The following KLHL32 variants were observed in gnomAD, a reference collection of about 807,000 sequenced individuals.
KLHL32 encodes the protein kelch like family member 32.
A neutral mutation model predicts 64.8 loss-of-function variants in KLHL32; 35 were observed. That is an observed-to-expected ratio of 0.54 (90% CI 0.41 to 0.72). The LOEUF (loss-of-function observed/expected upper bound fraction) is 0.72. KLHL32 is among the 30% of genes least tolerant of loss of function. KLHL32 has a pLI of 0.00. For synonymous variants in KLHL32, 259 were observed against 281.0 expected (o/e 0.92, Z 0.78); for missense variants, 589 against 768.5 (o/e 0.77, Z 2.76).
At chr6:97,034,704 T>A (rs1394986771) in intron 3 of KLHL32, among the ~76,000 whole-genome samples, 1 of 152,068 alleles carries the variant, frequency 6.6e-6, no homozygotes, top group Non-Finnish European at 1.5e-5. Flanking sequence ...AATTTTCAGT[T>A]AACAAGTCTG....
intron 3 of KLHL32, among the ~76,000 whole-genome samples, chr6:97,038,551 A>G (rs1484412554): frequency 6.6e-6 from 1 of 152,160 alleles, no homozygotes; most frequent in Non-Finnish European, 1.5e-5. Flanking sequence ...GAACCCTAGT[A>G]CACTGTTGAC....
chr6:97,099,867 A>G (rs1795473977), intron 6 of KLHL32, among the ~76,000 whole-genome samples: 1 of 144,582 alleles, frequency 6.9e-6, no homozygotes, highest in Non-Finnish European at 1.5e-5. Flanking sequence ...TGAAATTTCT[A>G]TTTGGGTTAA....
intron 6 of KLHL32, among the ~76,000 whole-genome samples, chr6:97,094,845 T>C (rs1210789322): frequency 6.6e-6 from 1 of 152,186 alleles, no homozygotes; most frequent in Non-Finnish European, 1.5e-5. Flanking sequence ...AGGACACATA[T>C]CTTCTTTGTG....
chr6:96,982,468 A>C (rs1776432182), intron 3 of KLHL32, among the ~76,000 whole-genome samples: 1 of 152,126 alleles, frequency 6.6e-6, no homozygotes, highest in Non-Finnish European at 1.5e-5. Context: ...GGTCTCTTGA[A>C]GACAGCACAT....
intron 1 of KLHL32, among the ~76,000 whole-genome samples, chr6:96,939,760 G>A (rs62413860): frequency 0.067 from 10,268 of 152,174 alleles, 428 homozygotes; most frequent in Middle Eastern, 0.15. Flanking sequence ...ATGCCGAGAA[G>A]CCATTGAGGA....
the KLHL32 span, among the ~76,000 whole-genome samples, chr6:96,916,745 T>C: frequency 6.6e-6 from 1 of 152,308 alleles, no homozygotes; most frequent in Non-Finnish European, 1.5e-5. Context: ...CATGAGAGAA[T>C]AGAAGAAATA....
intron 1 of KLHL32, among the ~76,000 whole-genome samples, chr6:96,965,701 G>C (rs1209050495): frequency 6.6e-6 from 1 of 152,170 alleles, no homozygotes; most frequent in East Asian, 1.9e-4. Flanking sequence ...GCAACATTAG[G>C]TTGCTAAGCA....
At chr6:97,052,177 A>T (rs905426774) in intron 4 of KLHL32, among the ~76,000 whole-genome samples, 5 of 152,366 alleles carry the variant, frequency 3.3e-5, no homozygotes, top group Non-Finnish European at 4.4e-5. Context: ...GCTGGGGTAC[A>T]ACCCTTCCAA....
intron 3 of KLHL32, among the ~76,000 whole-genome samples, chr6:97,002,494 G>T (rs1779154663): frequency 6.6e-6 from 1 of 152,092 alleles, no homozygotes; most frequent in Non-Finnish European, 1.5e-5. Context: ...GCACTTTTAG[G>T]GTCAGGGTAC....
the KLHL32 span, among the ~76,000 whole-genome samples, chr6:96,904,759 G>T: frequency 1.3e-5 from 2 of 152,138 alleles, no homozygotes; most frequent in African/African-American, 4.8e-5. Flanking sequence ...AAACTTTATG[G>T]TATGGTATTG....
chr6:97,080,490 A>C (rs1458890442), intron 5 of KLHL32, among the ~76,000 whole-genome samples: 1 of 152,206 alleles, frequency 6.6e-6, no homozygotes, highest in African/African-American at 2.4e-5. Context: ...GCTTCCGAGA[A>C]GCTTAGATTT....
chr6:96,983,035 T>C (rs1434061271), intron 3 of KLHL32, among the ~76,000 whole-genome samples: 3 of 152,264 alleles, frequency 2.0e-5, no homozygotes, highest in Non-Finnish European at 2.9e-5. Flanking sequence ...ATAGCTCTTA[T>C]TGTTTTGAGA....
Position 97,041,557 on chromosome 6 carries a change from C to T in KLHL32, c.270C>T (p.Ser90=). ...ADEVNLHGVT[S]LGLKQALEFA... ...AGGTTAATTTGCACGGTGTGACCAG[C>T]CTTGGCTTAAAGCAGGCTCTGGAGT... Residue 90 remains serine (S), a synonymous_variant, in exon 4 of 11, where the codon AGC becomes AGT. Transcript: ENST00000369261. 6.2e-7 allele frequency: 1 copy of T among 1,613,742 alleles called. No individual in the cohort carries two copies. Among genetic ancestry groups the T allele is most frequent in the African/African-American group, 1.3e-5 (1 of 75,008 alleles).
At chr6:96,911,562 G>A in the KLHL32 span, among the ~76,000 whole-genome samples, 1 of 151,952 alleles carries the variant, frequency 6.6e-6, no homozygotes, top group South Asian at 2.1e-4. Context: ...CTCTTCCCCT[G>A]TCAAAGTCAA....
chr6:97,114,857 T>C (rs1046149849), intron 7 of KLHL32, among the ~76,000 whole-genome samples: 3 of 152,154 alleles, frequency 2.0e-5, no homozygotes, highest in Admixed American at 6.5e-5. Flanking sequence ...TGCTTTTTCT[T>C]TCACCCCTGG....
At chr6:96,904,325 G>C in the KLHL32 span, among the ~76,000 whole-genome samples, 2 of 107,756 alleles carry the variant, frequency 1.9e-5, no homozygotes, top group African/African-American at 3.7e-5. Context: ...CTGGGCAACA[G>C]AGCAAGACTT....
intron 10 of KLHL32, among the ~76,000 whole-genome samples, chr6:97,135,570 T>A (rs1430359825): frequency 6.6e-6 from 1 of 152,150 alleles, no homozygotes; most frequent in Non-Finnish European, 1.5e-5. Context: ...AGTGCTGGGA[T>A]TACAGGCGTG....
At chr6:96,976,334 C>T (rs1775689371) in intron 3 of KLHL32, among the ~76,000 whole-genome samples, 157 bp downstream of exon 3, 1 of 152,014 alleles carries the variant, frequency 6.6e-6, no homozygotes, top group South Asian at 2.1e-4. Context: ...TCCTGGGGCC[C>T]CATTGGGTCC....
chr6:97,066,066 C>T (rs554851821), intron 5 of KLHL32, among the ~76,000 whole-genome samples: 1 of 152,224 alleles, frequency 6.6e-6, no homozygotes, highest in African/African-American at 2.4e-5. Flanking sequence ...TCCCTTTCTG[C>T]CTGTAGCAAA....
Sources: gnomAD v4.1 joint callset for allele counts (sites outside exome capture counted in the v4.1 genomes callset) on GRCh38, gnomAD v4.1.1 for gene constraint, MANE v1.5 for transcripts, NCBI Gene and HGNC (gene_info 2026-07-23, HGNC 2026-07-21) for gene names.